Variants in STIMATE observed in about 807,000 individuals in gnomAD.
STIMATE encodes the protein STIM activating enhancer.
A neutral mutation model predicts 36.7 loss-of-function variants in STIMATE; 15 were observed. That is an observed-to-expected ratio of 0.41 (90% CI 0.27 to 0.63). STIMATE has a LOEUF of 0.63. Ranked by LOEUF, STIMATE falls within the 20% of genes least tolerant of loss-of-function variation. The pLI is 0.32. For missense variants in STIMATE, 305 were observed against 397.3 expected, an observed-to-expected ratio of 0.77 and a Z score of 1.98; for synonymous variants, 163 against 162.3, an observed-to-expected ratio of 1.00 and a Z score of -0.03.
chr3:52,897,400 G>C lies in STIMATE; in HGVS notation c.51C>G (p.Pro17=). ...GGCCCGCCCCGGACGCGACTGTGGAGGGCGGCCCGCCTGGCAGTCCCCGGC... is the reference window on the plus strand; with the variant it reads ...GGCCCGCCCCGGACGCGACTGTGGACGGCGGCCCGCCTGGCAGTCCCCGGC... ...NASRGLPGGP[P]STVASGAGRC... Residue 17 remains proline, a synonymous_variant, in exon 1 of 8, where the codon CCC becomes CCG. Transcript: ENST00000355083. 2 of 1,487,752 alleles carry C rather than the reference G, an allele frequency of 1.3e-6. No individual in the cohort carries two copies. The highest frequency in any genetic ancestry group is 1.8e-6 in the Non-Finnish European group (2 of 1,125,836). The allele number at this position is 1,487,752 out of a possible 1,614,324, so 92.2% of individuals were successfully genotyped here.
intron 1 of STIMATE, among the ~76,000 whole-genome samples, chr3:52,888,407 G>GT (rs1192036830): frequency 6.6e-6 from 1 of 152,212 alleles, no homozygotes; most frequent in Non-Finnish European, 1.5e-5. Flanking sequence ...CCTGCTCGAT[G>GT]TAACCACCTG....
At chr3:52,855,339 C>T in intron 2 of STIMATE, 57 bp downstream of exon 2, 1 of 1,589,708 alleles carries the variant, frequency 6.3e-7, no homozygotes, top group Middle Eastern at 1.7e-4. Context: ...CCCCCAGCCC[C>T]AAGACCCCCA....
intron 7 of STIMATE, 142 bp downstream of exon 7, chr3:52,842,669 C>G (rs1462123645): frequency 1.1e-5 from 16 of 1,500,526 alleles, no homozygotes; most frequent in Non-Finnish European, 1.4e-5. Flanking sequence ...TCGCTCATCT[C>G]TGGCTCAGCC....
Position 52,873,572 on chromosome 3 carries a change from G to A in STIMATE, c.161-18128C>T, listed in dbSNP as rs543343483. Among the ~76,000 whole-genome samples, 3 of 152,282 alleles carry A rather than the reference G, an allele frequency of 2.0e-5. No individual in the cohort carries two copies. The East Asian group carries it at 5.8e-4, about 29-fold the overall frequency. ...CAAGGGTAGCCTCAGTGAACTAACT[G>A]AGCCTTCTGGGAACCAGACACTAGA... On this transcript the variant is annotated intron_variant, in intron 1 of 7. Transcript: ENST00000355083.
chr3:52,895,841 G>A (rs1226936691), intron 1 of STIMATE: 1 of 1,256,844 alleles, frequency 8.0e-7, no homozygotes, highest in African/African-American at 1.5e-5. Context: ...GCTGTCTGGA[G>A]GACAGAGAAG....
chr3:52,887,522 C>T (rs144754828), intron 1 of STIMATE, among the ~76,000 whole-genome samples: 2 of 152,312 alleles, frequency 1.3e-5, no homozygotes, highest in Non-Finnish European at 2.9e-5. Context: ...TGCCTTAGAC[C>T]TACACTAAGA....
intron 5 of STIMATE, 30 bp from the exon 6 acceptor site, chr3:52,843,828 G>T: frequency 6.2e-7 from 1 of 1,612,766 alleles, no homozygotes; most frequent in South Asian, 1.1e-5. Flanking sequence ...CAGTGAGGTA[G>T]GGAGAGGCCA....
At position 52,840,358 on chromosome 3, in the gene STIMATE, G is replaced by C. The variant is rs904372707; in HGVS notation, c.*136C>G. On this transcript the variant is annotated 3_prime_UTR_variant, in exon 8 of 8. Coordinates refer to ENST00000355083, the MANE Select transcript of STIMATE (RefSeq NM_198563.5). ...AAGTCACAGTAGTCTGGGGGCAGGC[G>C]AGAGCGGGCAGAGACAGCAAGAGGA... 2 of 1,032,906 alleles carry C rather than the reference G, an allele frequency of 1.9e-6. No homozygotes were observed. Among genetic ancestry groups the C allele is most frequent in the South Asian group, 1.6e-5 (1 of 61,560 alleles). The allele number at this position is 1,032,906 out of a possible 1,614,324, so 64.0% of individuals were successfully genotyped here. A position where few individuals can be genotyped will look rare whatever the true frequency, so the allele number is the denominator to read the frequency against.
Position 52,839,165 on chromosome 3 carries a change from C to T in STIMATE, c.*1329G>A, listed in dbSNP as rs1700755614. 1 of 152,286 alleles carries T rather than the reference C, an allele frequency of 6.6e-6. No homozygotes were observed. Among genetic ancestry groups the T allele is most frequent in the Non-Finnish European group, 1.5e-5 (1 of 68,078 alleles). The allele number at this position is 152,286 out of a possible 1,614,324, so 9.4% of individuals were successfully genotyped here. A position where few individuals can be genotyped will look rare whatever the true frequency, so the allele number is the denominator to read the frequency against. On this transcript the variant is annotated 3_prime_UTR_variant, in exon 8 of 8. Coordinates refer to ENST00000355083, the MANE Select transcript of STIMATE (RefSeq NM_198563.5). ...CACGGCCTAGAAGCACCTTGCCCTG[C>T]CTGTGGTTTAGAGAGTGAGCTCTCT...
chr3:52,851,319 C>A (rs895909276), intron 3 of STIMATE, among the ~76,000 whole-genome samples: 5 of 152,232 alleles, frequency 3.3e-5, no homozygotes, highest in Non-Finnish European at 5.9e-5. Flanking sequence ...TCTACGATAC[C>A]ATGTGGCTCT....
At position 52,843,743 on chromosome 3, in the gene STIMATE, A is replaced by G; in HGVS notation, c.596T>C (p.Leu199Pro). The G allele has an allele frequency of 6.2e-7, 1 of 1,613,962 alleles. No homozygotes were observed. Among genetic ancestry groups the G allele is most frequent in the Non-Finnish European group, 8.5e-7 (1 of 1,179,920 alleles). Residue 199 changes from leucine (L) to proline (P), a missense_variant, in exon 6 of 8, where the codon CTG becomes CCG. Physicochemically the swap from Leu to Pro is moderately conservative, Grantham distance 98. This residue lies in a region of STIMATE where 164 missense variants were observed against 257.9 expected (regional missense o/e 0.64). Coordinates refer to ENST00000355083, the MANE Select transcript of STIMATE (RefSeq NM_198563.5). ...GACGTTGACAAAGAAGGGGACGATCAGCATGACGATGGCCAGCTTCAAGTC... is the reference window on the plus strand; with the variant it reads ...GACGTTGACAAAGAAGGGGACGATCGGCATGACGATGGCCAGCTTCAAGTC... ...NPDLKLAIVM[L>P]IVPFFVNALM...
chr3:52,877,670 T>C (rs182212723), intron 1 of STIMATE, among the ~76,000 whole-genome samples: 1 of 152,364 alleles, frequency 6.6e-6, no homozygotes, highest in East Asian at 1.9e-4. Context: ...TGAACTGTCC[T>C]ACCTCCCCAG....
At position 52,897,409 on chromosome 3, in the gene STIMATE, G is replaced by T. The variant is rs1283014827; in HGVS notation, c.42C>A (p.Gly14=). The T allele has an allele frequency of 2.7e-6, 4 of 1,471,618 alleles. No homozygotes were observed. Among genetic ancestry groups the T allele is most frequent in the Non-Finnish European group, 3.6e-6 (4 of 1,118,786 alleles). 91.2% of individuals were successfully genotyped at this position (1,471,618 alleles called of 1,614,324 possible). A position where few individuals can be genotyped will look rare whatever the true frequency, so the allele number is the denominator to read the frequency against. Residue 14 remains glycine, a synonymous_variant, in exon 1 of 8, where the codon GGC becomes GGA. Transcript: ENST00000355083. ...CGGACGCGACTGTGGAGGGCGGCCC[G>T]CCTGGCAGTCCCCGGCTCGCGTTCC... The part of the protein sequence containing the change: ...PAGNASRGLP[G]GPPSTVASGA...
intron 6 of STIMATE, 125 bp downstream of exon 6, chr3:52,843,596 G>A (rs1052809243): frequency 1.4e-6 from 2 of 1,409,310 alleles, no homozygotes; most frequent in African/African-American, 2.9e-5. Flanking sequence ...GGTGGGAGAG[G>A]TGGCAAATGG....
intron 4 of STIMATE, chr3:52,847,149 A>G (rs911994407): frequency 1.2e-6 from 1 of 861,466 alleles, no homozygotes; most frequent in African/African-American, 1.8e-5. Flanking sequence ...GGCTCAAGCG[A>G]TCCTCCCCGC....
intron 4 of STIMATE, among the ~76,000 whole-genome samples, chr3:52,846,127 A>G (rs1019097930): frequency 4.6e-5 from 7 of 152,338 alleles, no homozygotes; most frequent in Admixed American, 4.6e-4. Flanking sequence ...GACTTTATGC[A>G]GCTGCAATGG....
Position 52,837,219 on chromosome 3 carries a change from G to A in STIMATE, c.*3275C>T. ...GCGAAAAGGCCAGTGAACTGCAAGGGCAGAGTGAGCTGCCAGCTGGGCGCT... is the reference window on the plus strand; with the variant it reads ...GCGAAAAGGCCAGTGAACTGCAAGGACAGAGTGAGCTGCCAGCTGGGCGCT... On this transcript the variant is annotated 3_prime_UTR_variant, in exon 8 of 8. Transcript: ENST00000355083. 1 of 153,330 alleles carries A rather than the reference G, an allele frequency of 6.5e-6. No individual in the cohort carries two copies. The highest frequency in any genetic ancestry group is 1.5e-5 in the Non-Finnish European group (1 of 68,722). The allele number at this position is 153,330 out of a possible 1,614,324, so 9.5% of individuals were successfully genotyped here.
intron 4 of STIMATE, among the ~76,000 whole-genome samples, chr3:52,849,505 G>T (rs1269124363): frequency 6.6e-6 from 1 of 152,206 alleles, no homozygotes; most frequent in African/African-American, 2.4e-5. Context: ...GGGACTGCTG[G>T]TGTCTTCCAT....
intron 4 of STIMATE, among the ~76,000 whole-genome samples, chr3:52,847,707 G>A (rs950564039): frequency 7.9e-5 from 12 of 152,132 alleles, no homozygotes; most frequent in Admixed American, 5.2e-4. Flanking sequence ...CAAATCCCTG[G>A]AACCTGTGAG....
Sources: allele counts gnomAD v4.1 joint callset (sites outside exome capture counted in the v4.1 genomes callset), GRCh38; gene constraint gnomAD v4.1.1; regional missense constraint gnomAD v4.1.1; transcripts MANE v1.5; gene names NCBI Gene and HGNC (gene_info 2026-07-23, HGNC 2026-07-21).